The following WDR59 variants were observed in gnomAD, a reference collection of about 807,000 sequenced individuals.
WDR59 encodes the protein GATOR2 complex protein WDR59.
Under a neutral mutation model 131.2 loss-of-function variants are expected in WDR59, and 100 were observed. That is an observed-to-expected ratio of 0.76 (90% CI 0.65 to 0.90). WDR59 has a LOEUF of 0.90. Ranked by LOEUF, WDR59 falls within the 40% of genes least tolerant of loss-of-function variation. The pLI, the probability that WDR59 is intolerant of heterozygous loss-of-function variation, is 0.00. For synonymous variants in WDR59, 601 were observed against 466.2 expected (o/e 1.29, Z -3.72); for missense variants, 1,203 against 1,262.2 (o/e 0.95, Z 0.71).
intron 8 of WDR59, among the ~76,000 whole-genome samples, chr16:74,933,395 C>T (rs983169588): frequency 6.6e-6 from 1 of 152,302 alleles, no homozygotes; most frequent in Non-Finnish European, 1.5e-5. Flanking sequence ...ACAGTAAAAA[C>T]TCAGTCTACA....
At chr16:74,947,700 T>C (rs141230963) in intron 6 of WDR59, among the ~76,000 whole-genome samples, 149 of 152,340 alleles carry the variant, frequency 9.8e-4, no homozygotes, top group African/African-American at 3.5e-3. Flanking sequence ...TTTTTAAGTA[T>C]GATATTGGGA....
At chr16:74,940,380 C>CAA (rs1171260871) in intron 7 of WDR59, among the ~76,000 whole-genome samples, 4 of 101,526 alleles carry the variant, frequency 3.9e-5, no homozygotes, top group Non-Finnish European at 4.2e-5. Context: ...CTCTGTCTCC[C>CAA]AAAAAAAAAA....
chr16:74,952,445 C>CAAAAAAAAAAAAA (rs61448932), intron 3 of WDR59, among the ~76,000 whole-genome samples: 80 of 62,214 alleles, frequency 1.3e-3, no homozygotes, highest in African/African-American at 1.5e-3. Context: ...CCATCTCAAA[C>CAAAAAAAAAAAAA]AAAAAAAAAA....
At chr16:74,942,613 G>A (rs560319457) in intron 7 of WDR59, 125 bp downstream of exon 7, 1 of 839,524 alleles carries the variant, frequency 1.2e-6, no homozygotes, top group South Asian at 1.5e-5. Flanking sequence ...AGCTTAAAAT[G>A]GTCATTTACC....
At chr16:74,981,656 A>ATTTTTT (rs1567450978) in intron 1 of WDR59, among the ~76,000 whole-genome samples, 2 of 29,542 alleles carry the variant, frequency 6.8e-5, no homozygotes, top group African/African-American at 2.5e-4. Context: ...ATATATATAT[A>ATTTTTT]TATATTTTTT....
intron 6 of WDR59, among the ~76,000 whole-genome samples, chr16:74,946,750 G>C (rs1050368151): frequency 6.6e-5 from 10 of 151,838 alleles, no homozygotes; most frequent in Admixed American, 5.9e-4. Flanking sequence ...AAAGAAAGAA[G>C]TGGTTTCTAA....
chr16:74,938,228 G>A lies in WDR59; in HGVS notation c.573C>T (p.Leu191=). The change falls in exon 8 of 26, where the codon CTC becomes CTT. Residue 191 remains leucine, a synonymous_variant. Coordinates refer to ENST00000262144, the MANE Select transcript of WDR59 (RefSeq NM_030581.4). ...STAVEYLAAH[L]SKIHGLDWHP... is the part of the protein sequence containing the mutation. ...GCCAGTCCAGGCCATGGATTTTGGA[G>A]AGGTGGGCGGCTAGATATTCCACTG... The A allele has an allele frequency of 6.4e-7, 1 of 1,567,660 alleles. No individual in the cohort carries two copies. Among genetic ancestry groups the A allele is most frequent in the Non-Finnish European group, 8.6e-7 (1 of 1,156,336 alleles).
chr16:74,981,659 T>C (rs2034430300), intron 1 of WDR59, among the ~76,000 whole-genome samples: 1 of 36,506 alleles, frequency 2.7e-5, no homozygotes, highest in African/African-American at 1.4e-4. Flanking sequence ...TATATATATA[T>C]ATTTTTTTTT....
chr16:74,916,042 AAC>A, intron 12 of WDR59, 48 bp from the exon 13 acceptor site: 1 of 1,613,964 alleles, frequency 6.2e-7, no homozygotes, highest in Non-Finnish European at 8.5e-7. Context: ...TTGAAAATGA[AAC>A]AGAGAACAGG....
chr16:74,982,236 CT>C (rs1170490299), intron 1 of WDR59, among the ~76,000 whole-genome samples: 1 of 151,626 alleles, frequency 6.6e-6, no homozygotes, highest in Non-Finnish European at 1.5e-5. Flanking sequence ...TTAACTTTGT[CT>C]TTCTACATTA....
chr16:74,927,487 C>G (rs1347264748), intron 8 of WDR59, among the ~76,000 whole-genome samples: 2 of 148,756 alleles, frequency 1.3e-5, no homozygotes, highest in African/African-American at 4.9e-5. Context: ...ACTTGCGAGG[C>G]TGAGGCAGGA....
At chr16:74,925,788 G>A (rs555459415) in intron 8 of WDR59, among the ~76,000 whole-genome samples, 17 of 151,864 alleles carry the variant, frequency 1.1e-4, no homozygotes, top group African/African-American at 4.1e-4. Context: ...CAGTGCTTTG[G>A]GAGGCTAAGG....
intron 2 of WDR59, among the ~76,000 whole-genome samples, chr16:74,958,356 A>C (rs2033393183): frequency 6.6e-6 from 1 of 151,856 alleles, no homozygotes; most frequent in African/African-American, 2.4e-5. Context: ...TTGTGAGGCC[A>C]AGGTGGGTGG....
At chr16:74,915,366 A>T (rs1028693792) in intron 13 of WDR59, 1 of 152,610 alleles carries the variant, frequency 6.6e-6, no homozygotes, top group Non-Finnish European at 1.5e-5. Flanking sequence ...AGGAGAAAAG[A>T]ATAGGGGTAG....
chr16:74,939,420 T>C (rs755647016), intron 7 of WDR59, among the ~76,000 whole-genome samples: 4 of 152,126 alleles, frequency 2.6e-5, no homozygotes, highest in Admixed American at 6.6e-5. Context: ...CAAATGATGA[T>C]ACAATATGAT....
intron 1 of WDR59, among the ~76,000 whole-genome samples, chr16:74,976,734 C>G (rs534793889): frequency 7.9e-4 from 121 of 152,290 alleles, no homozygotes; most frequent in African/African-American, 2.9e-3. Flanking sequence ...AGCGACCAAG[C>G]CCGGCCTAAA....
At chr16:74,893,904 T>C (rs1020157021) in intron 18 of WDR59, 92 bp from the exon 19 acceptor site, 18 of 1,426,998 alleles carry the variant, frequency 1.3e-5, no homozygotes, top group Non-Finnish European at 1.6e-5. Flanking sequence ...CATTGGCAAT[T>C]TGCACTTTTT....
chr16:74,885,863 C>T, intron 24 of WDR59, 68 bp from the exon 25 acceptor site: 1 of 1,566,108 alleles, frequency 6.4e-7, no homozygotes, highest in Non-Finnish European at 8.7e-7. Context: ...CTAAATGGCA[C>T]TTAATATACC....
chr16:74,890,912 G>C (rs1267563731), intron 20 of WDR59, among the ~76,000 whole-genome samples: 1 of 151,914 alleles, frequency 6.6e-6, no homozygotes. Context: ...TCAGGAGTAC[G>C]AGACCAGCCT....
Sources: gnomAD v4.1 joint callset for allele counts (sites outside exome capture counted in the v4.1 genomes callset) on GRCh38, gnomAD v4.1.1 for gene constraint, MANE v1.5 for transcripts, NCBI Gene and HGNC (gene_info 2026-07-23, HGNC 2026-07-21) for gene names.